Variants in PUM2 observed in about 807,000 individuals in gnomAD.
PUM2 encodes pumilio homolog 2.
In PUM2, 57 loss-of-function variants were observed where a neutral mutation model predicts 124.5. The observed-to-expected ratio is 0.46, with a 90% CI of 0.37 to 0.57. PUM2 has a LOEUF of 0.57. PUM2 is among the 20% of genes least tolerant of loss of function. The pLI is 0.00. For synonymous variants in PUM2, 460 were observed against 446.1 expected, an observed-to-expected ratio of 1.03 and a Z score of -0.39; for missense variants, 1,065 against 1,290.6, an observed-to-expected ratio of 0.83 and a Z score of 2.68.
intron 8 of PUM2, among the ~76,000 whole-genome samples, chr2:20,296,395 T>C (rs987690239): frequency 2.0e-5 from 3 of 151,498 alleles, no homozygotes; most frequent in African/African-American, 4.9e-5. Context: ...CTCGGGAGGC[T>C]GAGGCAGGAG....
rs141707729 is a variant in PUM2 at position 20,273,322 on chromosome 2, T to A, written c.1957+5261A>T. Among the ~76,000 whole-genome samples, 38 of 152,314 alleles carry A rather than the reference T, an allele frequency of 2.5e-4. No homozygotes were observed. The East Asian group carries it at 4.4e-3, about 18-fold the overall frequency. ...GCCGCACATTTGCAAACTGTTCACA[T>A]CCTTGTGAAGTCTACTACGAGGCAT... is the stretch of plus-strand genomic sequence containing the variant. On this transcript the variant is annotated intron_variant, in intron 13 of 20. Coordinates refer to ENST00000361078, the MANE Select transcript of PUM2 (RefSeq NM_015317.5).
Position 20,294,374 on chromosome 2 carries a change from A to G in PUM2, c.1152+2T>C. 6.2e-7 allele frequency: 1 copy of G among 1,613,810 alleles called. No homozygotes were observed. The highest frequency in any genetic ancestry group is 8.5e-7 in the Non-Finnish European group (1 of 1,179,888). ...GTATTACTTAATAGAAGGAAGGCCT[A>G]CCTGTTGCTGTCCAGGCTGAGCTTG... On this transcript the variant is annotated splice_donor_variant, in intron 9 of 20. Transcript: ENST00000361078. LOFTEE classifies it high-confidence loss of function.
chr2:20,266,431 C>G (rs933041222), intron 13 of PUM2, among the ~76,000 whole-genome samples: 3 of 149,742 alleles, frequency 2.0e-5, no homozygotes, highest in African/African-American at 7.4e-5. Context: ...GACAACAGAG[C>G]AAGACCTTGT....
chr2:20,275,787 G>A (rs941375527), intron 13 of PUM2, among the ~76,000 whole-genome samples: 1 of 151,782 alleles, frequency 6.6e-6, no homozygotes, highest in Non-Finnish European at 1.5e-5. Flanking sequence ...TCAAGAGTGT[G>A]GGAAAATAAA....
chr2:20,270,118 C>T (rs997834894), intron 13 of PUM2, among the ~76,000 whole-genome samples: 6 of 152,170 alleles, frequency 3.9e-5, no homozygotes, highest in Admixed American at 6.5e-5. Flanking sequence ...AAACCTACCC[C>T]TAACCCCGCA....
In PUM2 at chr2:20,278,679, G is replaced by A. The variant is rs569882812; in HGVS notation, c.1861C>T (p.Pro621Ser). The change falls in exon 13 of 21, where the codon CCA (proline) becomes TCA (serine). Residue 621 changes from proline (P) to serine (S), a missense_variant. This residue lies in a region of PUM2 where 968 missense variants were observed against 1,159.8 expected (regional missense o/e 0.83). Coordinates refer to ENST00000361078, the MANE Select transcript of PUM2 (RefSeq NM_015317.5). ...TGGCTTGGCAGAGGCATGCCTATTG[G>A]ACTTGGAGAGGAGGAAAATCCCAGA... ...NSLGFSSSPS[P>S]IGMPLPSQTP... is the part of the protein sequence containing the mutation. The A allele has an allele frequency of 3.7e-6, 6 of 1,613,522 alleles. No homozygotes were observed. In the African/African-American group the frequency reaches 6.7e-5, roughly 18 times the overall value.
Position 20,318,508 on chromosome 2 carries a change from C to A in PUM2, c.160+29G>T, listed in dbSNP as rs753041127. The A allele has an allele frequency of 6.5e-6, 10 of 1,539,158 alleles. No homozygotes were observed. The South Asian group carries it at 1.1e-4, about 16-fold the overall frequency. ...ACTTATAAAATGCTAAATATATTCA[C>A]AATTCTCACACATATACCAGTAACT... On this transcript the variant is annotated intron_variant, in intron 3 of 20. Coordinates refer to ENST00000361078, the MANE Select transcript of PUM2 (RefSeq NM_015317.5).
chr2:20,349,457 G>A (rs1204716103), intron 1 of PUM2, among the ~76,000 whole-genome samples: 3 of 151,454 alleles, frequency 2.0e-5, no homozygotes, highest in Admixed American at 6.6e-5. Context: ...TTGAGCAAAT[G>A]AAGTAAATCA....
Position 20,310,315 on chromosome 2 carries a change from G to A in PUM2, c.518+1179C>T, listed in dbSNP as rs140181692. ...TAAAGTCCACATTAATATTTCAGGG[G>A]AGACGTATAACCTCTCACACAAAGT... On this transcript the variant is annotated intron_variant, in intron 5 of 20. Transcript: ENST00000361078. Among the ~76,000 whole-genome samples the A allele has an allele frequency of 1.6e-3, 249 of 152,088 alleles. 2 individuals carry two copies. The highest frequency in any genetic ancestry group is 5.9e-3 in the African/African-American group (244 of 41,534).
intron 1 of PUM2, among the ~76,000 whole-genome samples, chr2:20,340,074 T>C (rs1686935659): frequency 6.6e-6 from 1 of 152,184 alleles, no homozygotes. Flanking sequence ...ATGATTTATA[T>C]ATTTCTAGCT....
At chr2:20,294,330 G>T in intron 9 of PUM2, 46 bp downstream of exon 9, 1 of 1,592,258 alleles carries the variant, frequency 6.3e-7, no homozygotes, top group Non-Finnish European at 8.6e-7. Context: ...GGAGCTCAAA[G>T]AATTTCAAAG....
intron 13 of PUM2, among the ~76,000 whole-genome samples, chr2:20,269,347 C>T (rs1394282503): frequency 6.6e-6 from 1 of 152,014 alleles, no homozygotes; most frequent in Non-Finnish European, 1.5e-5. Context: ...ACTACAGGCA[C>T]CCGCCACCAC....
At chr2:20,320,622 G>A (rs1026505042) in intron 2 of PUM2, among the ~76,000 whole-genome samples, 1 of 151,586 alleles carries the variant, frequency 6.6e-6, no homozygotes, top group Non-Finnish European at 1.5e-5. Context: ...TTAAATGCTA[G>A]GATGGCCCTG....
chr2:20,304,511 T>C (rs1677755028), intron 7 of PUM2, among the ~76,000 whole-genome samples: 2 of 152,196 alleles, frequency 1.3e-5, no homozygotes, highest in Non-Finnish European at 2.9e-5. Flanking sequence ...TAAGTAAAGT[T>C]TTACTGGAAC....
At chr2:20,292,177 G>A (rs759345787) in intron 9 of PUM2, among the ~76,000 whole-genome samples, 3 of 151,512 alleles carry the variant, frequency 2.0e-5, no homozygotes, top group East Asian at 1.9e-4. Context: ...CAACTTGCCC[G>A]GGAGGTGGCC....
intron 1 of PUM2, among the ~76,000 whole-genome samples, chr2:20,329,760 G>C (rs1161176546): frequency 6.6e-6 from 1 of 152,138 alleles, no homozygotes; most frequent in Non-Finnish European, 1.5e-5. Flanking sequence ...GATGTTAAGT[G>C]CTCAAGTGCC....
At position 20,306,796 on chromosome 2, in the gene PUM2, G is replaced by A. The variant is rs1254444931; in HGVS notation, c.883+1182C>T. Among the ~76,000 whole-genome samples, 9 of 151,584 alleles carry A rather than the reference G, an allele frequency of 5.9e-5. No individual in the cohort carries two copies. The East Asian group carries it at 9.9e-4, about 17-fold the overall frequency. Reference sequence around the variant, plus strand: ...CTAATTTTTGTAATTTTGTAGAGACGGGGTTTCACCATGTTGGCCAGGATG... The same window carrying A: ...CTAATTTTTGTAATTTTGTAGAGACAGGGTTTCACCATGTTGGCCAGGATG... On this transcript the variant is annotated intron_variant, in intron 7 of 20. Transcript: ENST00000361078.
chr2:20,290,823 T>C, intron 9 of PUM2, 33 bp from the exon 10 acceptor site: 5 of 1,471,178 alleles, frequency 3.4e-6, no homozygotes, highest in Non-Finnish European at 4.5e-6. Context: ...TTAAAATCAA[T>C]ATAAAATAAT....
chr2:20,297,466 T>C (rs1247457279), intron 8 of PUM2, 87 bp downstream of exon 8: 1 of 1,221,968 alleles, frequency 8.2e-7, no homozygotes, highest in African/African-American at 1.6e-5. Flanking sequence ...AATTTCAAAT[T>C]GCCCAAATAG....
Sources: gnomAD v4.1 joint callset for allele counts (sites outside exome capture counted in the v4.1 genomes callset) on GRCh38, gnomAD v4.1.1 for gene constraint, gnomAD v4.1.1 regional missense constraint, MANE v1.5 for transcripts, NCBI Gene and HGNC (gene_info 2026-07-23, HGNC 2026-07-21) for gene names.